Variants in ELOVL6 observed in about 807,000 individuals in gnomAD.
ELOVL6 encodes the protein very long chain fatty acid elongase 6.
ELOVL6 carries 8 observed loss-of-function variants against 31.7 expected under a neutral mutation model. That is an observed-to-expected ratio of 0.25 (90% CI 0.15 to 0.45). The LOEUF (loss-of-function observed/expected upper bound fraction) is 0.45, where lower values mean the gene tolerates loss of function less well. ELOVL6 is among the 20% of genes least tolerant of loss of function. ELOVL6 has a pLI of 1.00. For synonymous variants in ELOVL6, 101 were observed against 117.7 expected (o/e 0.86, Z 0.92); for missense variants, 126 against 326.4 (o/e 0.39, Z 4.73).
chr4:110,188,295 A>G (rs1759506041), intron 1 of ELOVL6, among the ~76,000 whole-genome samples: 1 of 152,218 alleles, frequency 6.6e-6, no homozygotes, highest in African/African-American at 2.4e-5. Flanking sequence ...AATTATTAAC[A>G]AAAGAGACAT....
chr4:110,109,115 T>C (rs1177524270), intron 1 of ELOVL6, among the ~76,000 whole-genome samples: 1 of 152,228 alleles, frequency 6.6e-6, no homozygotes, highest in Non-Finnish European at 1.5e-5. Context: ...GCCCACTTAG[T>C]TTTTAATGTG....
intron 1 of ELOVL6, among the ~76,000 whole-genome samples, chr4:110,131,292 T>C (rs1432717394): frequency 6.6e-6 from 1 of 152,206 alleles, no homozygotes; most frequent in East Asian, 1.9e-4. Flanking sequence ...TGGATTATTT[T>C]TTTAATCTGA....
intron 2 of ELOVL6, among the ~76,000 whole-genome samples, chr4:110,086,129 A>G (rs531861670): frequency 3.3e-5 from 5 of 152,170 alleles, no homozygotes; most frequent in Non-Finnish European, 5.9e-5. Context: ...TCATATTCCT[A>G]TCTAATCGAA....
At chr4:110,093,289 G>A (rs977240594) in intron 2 of ELOVL6, among the ~76,000 whole-genome samples, 4 of 152,070 alleles carry the variant, frequency 2.6e-5, no homozygotes, top group African/African-American at 7.2e-5. Flanking sequence ...GTGAGAACTG[G>A]GATAAAAAGT....
At chr4:110,084,687 C>T (rs1219135882) in intron 2 of ELOVL6, among the ~76,000 whole-genome samples, 5 of 144,170 alleles carry the variant, frequency 3.5e-5, no homozygotes, top group African/African-American at 1.3e-4. Flanking sequence ...CTCCACCTCC[C>T]GAGTTCAAGC....
chr4:110,136,099 A>G (rs1457164575), intron 1 of ELOVL6, among the ~76,000 whole-genome samples: 1 of 152,190 alleles, frequency 6.6e-6, no homozygotes, highest in Non-Finnish European at 1.5e-5. Flanking sequence ...ACTGAGCTGC[A>G]CTTGTTAGGA....
chr4:110,135,004 A>C (rs972323974), intron 1 of ELOVL6, among the ~76,000 whole-genome samples: 5 of 152,156 alleles, frequency 3.3e-5, no homozygotes, highest in African/African-American at 1.2e-4. Context: ...GGAACTATGA[A>C]GGGCCTTATA....
At chr4:110,164,308 T>A (rs1421316555) in intron 1 of ELOVL6, among the ~76,000 whole-genome samples, 2 of 152,108 alleles carry the variant, frequency 1.3e-5, no homozygotes, top group Non-Finnish European at 2.9e-5. Context: ...GCTGCCCTGA[T>A]GACAAGTTAA....
intron 1 of ELOVL6, among the ~76,000 whole-genome samples, chr4:110,111,403 C>A (rs1757032157): frequency 6.8e-6 from 1 of 146,806 alleles, no homozygotes. Context: ...ATCCACCCAT[C>A]CATTCAAAAT....
At chr4:110,055,361 T>A (rs764880170) in intron 3 of ELOVL6, among the ~76,000 whole-genome samples, 1 of 152,168 alleles carries the variant, frequency 6.6e-6, no homozygotes, top group African/African-American at 2.4e-5. Flanking sequence ...CCTGTTGGCA[T>A]AACGGGAAGG....
At chr4:110,196,876 C>T (rs1031636430) in intron 1 of ELOVL6, among the ~76,000 whole-genome samples, 4 of 152,116 alleles carry the variant, frequency 2.6e-5, no homozygotes, top group Admixed American at 2.6e-4. Context: ...TGGGCGCGCT[C>T]CGGCCGGGCG....
intron 1 of ELOVL6, among the ~76,000 whole-genome samples, chr4:110,138,268 G>A (rs1470945109): frequency 1.3e-5 from 2 of 152,156 alleles, no homozygotes; most frequent in Admixed American, 1.3e-4. Flanking sequence ...AGTAATATAT[G>A]TCTGTGGATT....
chr4:110,178,719 T>C (rs575015479), intron 1 of ELOVL6, among the ~76,000 whole-genome samples: 1 of 152,154 alleles, frequency 6.6e-6, no homozygotes, highest in East Asian at 1.9e-4. Flanking sequence ...TCAGGTGTGG[T>C]GGTGCTTGCC....
At chr4:110,148,768 T>C (rs919366208) in intron 1 of ELOVL6, among the ~76,000 whole-genome samples, 2 of 152,198 alleles carry the variant, frequency 1.3e-5, no homozygotes, top group African/African-American at 4.8e-5. Context: ...ACTTACTGTG[T>C]ACCCACAAAA....
rs1560814158 is a variant in ELOVL6 at position 110,084,131 on chromosome 4, G to GATGATATATATGATATAT, written c.221+21365_221+21366insATATATCATATATATCAT. Among the ~76,000 whole-genome samples the GATGATATATATGATATAT allele has an allele frequency of 4.2e-3, 107 of 25,322 alleles. 17 individuals carry two copies. The highest frequency in any genetic ancestry group is 0.032 in the African/African-American group (92 of 2,874). The allele number at this position is 25,322 out of a possible 152,430, so 16.6% of individuals were successfully genotyped here. A position where few individuals can be genotyped will look rare whatever the true frequency, so the allele number is the denominator to read the frequency against. ...TATATGATATATATAACATATATGT[G>GATGATATATATGATATAT]ATAATGATATATATGATATATATAA... On this transcript the variant is annotated intron_variant, in intron 2 of 3. Coordinates refer to ENST00000302274, the MANE Select transcript of ELOVL6 (RefSeq NM_024090.3).
chr4:110,132,145 A>G (rs975653823), intron 1 of ELOVL6, among the ~76,000 whole-genome samples: 4 of 152,148 alleles, frequency 2.6e-5, no homozygotes, highest in Non-Finnish European at 5.9e-5. Flanking sequence ...TTTGAACTTT[A>G]TCCTGAAAAT....
rs1275355589 is a variant in ELOVL6 at position 110,050,279 on chromosome 4, C to G, written c.*1059G>C. Reference sequence around the variant, plus strand: ...AAATATGCGCTATACTGTGGGGTTTCATTTGGAAAGTTATGAGTGTGTGTG... The same window carrying G: ...AAATATGCGCTATACTGTGGGGTTTGATTTGGAAAGTTATGAGTGTGTGTG... On this transcript the variant is annotated 3_prime_UTR_variant, in exon 4 of 4. Transcript: ENST00000302274. The G allele has an allele frequency of 6.6e-6, 1 of 152,550 alleles. No homozygotes were observed. The highest frequency in any genetic ancestry group is 1.5e-5 in the Non-Finnish European group (1 of 68,042). The allele number at this position is 152,550 out of a possible 1,614,324, so 9.4% of individuals were successfully genotyped here. A position where few individuals can be genotyped will look rare whatever the true frequency, so the allele number is the denominator to read the frequency against.
intron 2 of ELOVL6, among the ~76,000 whole-genome samples, chr4:110,083,519 G>A (rs1279701705): frequency 2.0e-5 from 3 of 151,556 alleles, no homozygotes; most frequent in Admixed American, 6.6e-5. Flanking sequence ...ACAGCTTATA[G>A]GGCCTTTGAG....
Position 110,051,553 on chromosome 4 carries a change from C to A in ELOVL6, c.583G>T (p.Ala195Ser), listed in dbSNP as rs1355498956. The change falls in exon 4 of 4, where the codon GCC becomes TCC. Residue 195 changes from alanine to serine, a missense_variant. Ala to Ser is a moderately conservative substitution (Grantham distance 99, BLOSUM62 1). Transcript: ENST00000302274. The surrounding 1 kb of genome is among the most constrained non-coding windows in gnomAD (Gnocchi z 4.8). ...ATCTGGGACAAGGTGATGAACATGG[C>A]AAACTTCCGGGAGACTCGGAAACCT... ...AAGFRVSRKF[A>S]MFITLSQITQ... The A allele has an allele frequency of 6.2e-7, 1 of 1,614,182 alleles. No individual in the cohort carries two copies. The highest frequency in any genetic ancestry group is 1.1e-5 in the South Asian group (1 of 91,082).
Sources: gnomAD v4.1 joint callset for allele counts (sites outside exome capture counted in the v4.1 genomes callset) on GRCh38, gnomAD v4.1.1 for gene constraint, Gnocchi (gnomAD v3.1) non-coding constraint, MANE v1.5 for transcripts, NCBI Gene and HGNC (gene_info 2026-07-23, HGNC 2026-07-21) for gene names.